Variants in SPECC1 observed in about 807,000 individuals in gnomAD.
The protein encoded by SPECC1 is cytospin-B.
SPECC1 carries 62 observed loss-of-function variants against 104.1 expected under a neutral mutation model. The observed-to-expected ratio is 0.60, with a 90% CI of 0.49 to 0.74. SPECC1 has a LOEUF of 0.74. SPECC1 is among the 30% of genes least tolerant of loss of function. The pLI is 0.00. For synonymous variants in SPECC1, 513 were observed against 501.6 expected (o/e 1.02, Z -0.30); for missense variants, 1,306 against 1,310.5 (o/e 1.00, Z 0.05).
Position 20,309,926 on chromosome 17 carries a change from T to C in SPECC1, c.3117+3844T>C, listed in dbSNP as rs1167554866. On this transcript the variant is annotated intron_variant, in intron 14 of 14. Transcript: ENST00000395527. ...TCCGACTTCCGGGTTCAAGCAATTC[T>C]TCTGCCTCAGCCTCCTGAGTAGCTG... Among the ~76,000 whole-genome samples, 19 of 151,678 alleles carry C rather than the reference T, an allele frequency of 1.3e-4. 1 individual carries two copies. Among genetic ancestry groups the C allele is most frequent in the Non-Finnish European group, 4.4e-5 (3 of 67,930 alleles).
At chr17:20,078,111 T>C (rs1361909295) in intron 1 of SPECC1, among the ~76,000 whole-genome samples, 2 of 151,128 alleles carry the variant, frequency 1.3e-5, no homozygotes, top group Non-Finnish European at 3.0e-5. Context: ...TATGTATTTT[T>C]ATAGAGTCAA....
intron 1 of SPECC1, among the ~76,000 whole-genome samples, chr17:20,027,420 T>G (rs2044639635): frequency 6.6e-6 from 1 of 152,202 alleles, no homozygotes; most frequent in South Asian, 2.1e-4. Context: ...CAGGAGCTTT[T>G]TAGTTTAATA....
intron 3 of SPECC1, among the ~76,000 whole-genome samples, 164 bp from the exon 4 acceptor site, chr17:20,204,169 A>G (rs1197254764): frequency 1.3e-5 from 2 of 152,206 alleles, no homozygotes; most frequent in Non-Finnish European, 2.9e-5. Flanking sequence ...GTGGGGAGGA[A>G]GCACAGAAAC....
intron 1 of SPECC1, among the ~76,000 whole-genome samples, chr17:20,080,741 G>A (rs1199540391): frequency 2.6e-5 from 4 of 152,072 alleles, no homozygotes; most frequent in East Asian, 1.9e-4. Context: ...TGCTGCCTGC[G>A]AGCCCTTACT....
chr17:20,073,592 C>T (rs1158271800), intron 1 of SPECC1: 3 of 152,176 alleles, frequency 2.0e-5, no homozygotes, highest in African/African-American at 7.2e-5. Flanking sequence ...TGCCCGGCCC[C>T]CTCCGAGTGT....
At chr17:20,029,777 A>G (rs1478826192) in intron 1 of SPECC1, among the ~76,000 whole-genome samples, 9 of 152,082 alleles carry the variant, frequency 5.9e-5, no homozygotes, top group Non-Finnish European at 1.3e-4. Flanking sequence ...TGATTCTAGT[A>G]ATTTGAGTCT....
At chr17:20,170,316 C>G (rs1194546777) in intron 3 of SPECC1, among the ~76,000 whole-genome samples, 1 of 152,244 alleles carries the variant, frequency 6.6e-6, no homozygotes, top group African/African-American at 2.4e-5. Flanking sequence ...TTGATGGCAG[C>G]TGTCCCTTGT....
intron 1 of SPECC1, among the ~76,000 whole-genome samples, chr17:20,071,129 TCAAG>T (rs1314234489): frequency 6.6e-6 from 1 of 152,110 alleles, no homozygotes; most frequent in Admixed American, 6.6e-5. Flanking sequence ...TCTCCCGGGC[TCAAG>T]CAATCCTCCC....
chr17:20,299,384 ATTTCT>A (rs112464855), intron 13 of SPECC1, among the ~76,000 whole-genome samples: 37,439 of 151,202 alleles, frequency 0.25, 5,771 homozygotes, highest in African/African-American at 0.44. Flanking sequence ...GCAGACCTCC[ATTTCT>A]ACAAAAAAAA....
chr17:20,153,463 A>C (rs2032195606), intron 3 of SPECC1, among the ~76,000 whole-genome samples: 1 of 152,202 alleles, frequency 6.6e-6, no homozygotes, highest in South Asian at 2.1e-4. Flanking sequence ...GTGGAGGAGC[A>C]ATTTAAGTAG....
intron 3 of SPECC1, among the ~76,000 whole-genome samples, chr17:20,161,165 C>A (rs571593452): frequency 6.6e-6 from 1 of 152,128 alleles, no homozygotes; most frequent in Admixed American, 6.5e-5. Context: ...GAGCTGAGAT[C>A]GCGCTACTGC....
chr17:20,186,844 G>A (rs914028154), intron 3 of SPECC1, among the ~76,000 whole-genome samples: 1 of 152,176 alleles, frequency 6.6e-6, no homozygotes, highest in Non-Finnish European at 1.5e-5. Flanking sequence ...TGGGATTATA[G>A]ATCATAGGTG....
rs1200123621 is a variant in SPECC1, at chr17:20,247,260, A to G, written c.2539A>G (p.Ser847Gly). 1.2e-6 allele frequency: 2 copies of G among 1,613,656 alleles called. No individual in the cohort carries two copies. The highest frequency in any genetic ancestry group is 2.2e-5 in the East Asian group (1 of 44,882). The change falls in exon 9 of 15, where the codon AGT becomes GGT. Residue 847 changes from serine to glycine, a missense_variant. By Grantham distance (56) the Ser-to-Gly change is moderately conservative (BLOSUM62 0). Transcript: ENST00000395527. Reference sequence around the variant, plus strand: ...TATTTCTGTCCATAAGACCCCCAGAAGTCCCCTAAGTGGGATACCAGTGAG... The same window carrying G: ...TATTTCTGTCCATAAGACCCCCAGAGGTCCCCTAAGTGGGATACCAGTGAG... ...QNISVHKTPR[S>G]PLSGIPVRTA...
chr17:20,101,960 G>A (rs886820764), intron 2 of SPECC1, among the ~76,000 whole-genome samples: 1 of 152,200 alleles, frequency 6.6e-6, no homozygotes, highest in Non-Finnish European at 1.5e-5. Flanking sequence ...TAATCTGTGA[G>A]GCATTTGAAC....
At chr17:20,253,288 A>G (rs775757262) in intron 9 of SPECC1, among the ~76,000 whole-genome samples, 2 of 152,138 alleles carry the variant, frequency 1.3e-5, no homozygotes, top group Non-Finnish European at 2.9e-5. Flanking sequence ...GGAAAAGGAG[A>G]CTTTCTCTTC....
rs1178764193 is a variant in SPECC1 at position 20,205,181 on chromosome 17, C to T, written c.1132C>T (p.Gln378Ter). Residue 378 changes from glutamine to a stop codon, truncating the protein, a stop_gained, in exon 4 of 15, where the codon CAA becomes TAA. Coordinates refer to ENST00000395527, the MANE Select transcript of SPECC1 (RefSeq NM_001243439.2). LOFTEE classifies it high-confidence loss of function. ...CCTGGCTTCCCTCACAGAGAAGATA[C>T]AAAAGATGGAAGAAAACCACCATAG... ...LSLASLTEKI[Q>*]KMEENHHSTA... is the part of the protein sequence containing the mutation. 1 of 1,613,984 alleles carries T rather than the reference C, an allele frequency of 6.2e-7. No individual in the cohort carries two copies. The highest frequency in any genetic ancestry group is 8.5e-7 in the Non-Finnish European group (1 of 1,180,000).
At position 20,227,401 on chromosome 17, in the gene SPECC1, C is replaced by A; in HGVS notation, c.1864-12C>A. On this transcript the variant is annotated splice_polypyrimidine_tract_variant and intron_variant, in intron 4 of 14. Transcript: ENST00000395527. Reference sequence around the variant, plus strand: ...GTTGTTAACTGACCAAGGAACCTTCCTTTTATTTTAGGTGGAAAAGGATTA... The same window carrying A: ...GTTGTTAACTGACCAAGGAACCTTCATTTTATTTTAGGTGGAAAAGGATTA... The A allele has an allele frequency of 6.2e-7, 1 of 1,607,772 alleles. No individual in the cohort carries two copies.
intron 1 of SPECC1, chr17:20,017,000 CAAAATGGACCAATCAGCTCTCTGA>C (rs2152429110): frequency 6.6e-6 from 1 of 152,466 alleles, no homozygotes; most frequent in South Asian, 2.1e-4. Context: ...AGCACTCTGT[CAAAATGGACCAATCAGCTCTCTGA>C]AAAATGGACC....
At chr17:20,195,028 A>G (rs925590015) in intron 3 of SPECC1, among the ~76,000 whole-genome samples, 1 of 152,194 alleles carries the variant, frequency 6.6e-6, no homozygotes, top group African/African-American at 2.4e-5. Context: ...GTTTTATGCA[A>G]AGTTTGAAAT....
Sources: gnomAD v4.1 joint callset for allele counts (sites outside exome capture counted in the v4.1 genomes callset) on GRCh38, gnomAD v4.1.1 for gene constraint, MANE v1.5 for transcripts, NCBI Gene and HGNC (gene_info 2026-07-23, HGNC 2026-07-21) for gene names.